The following ANK3 variants were observed in gnomAD, a reference collection of about 807,000 sequenced individuals.
The protein encoded by ANK3 is ankyrin-3.
A neutral mutation model predicts 370.9 loss-of-function variants in ANK3; 57 were observed. The observed-to-expected ratio is 0.15, with a 90% CI of 0.12 to 0.19. ANK3 has a LOEUF of 0.19. Ranked by LOEUF, ANK3 falls within the 10% of genes least tolerant of loss-of-function variation. The pLI, the probability that ANK3 is intolerant of heterozygous loss-of-function variation, is 1.00. For missense variants in ANK3, 4,439 were observed against 5,302.1 expected (o/e 0.84, Z 5.06); for synonymous variants, 1,929 against 1,946.3 (o/e 0.99, Z 0.23).
intron 29 of ANK3, 65 bp downstream of exon 29, chr10:60,088,082 G>A (rs2087158083): frequency 2.2e-6 from 3 of 1,339,126 alleles, no homozygotes; most frequent in Admixed American, 3.5e-5. Flanking sequence ...ACTCTTTCCA[G>A]AGCAAAACAT....
At chr10:60,542,938 C>A (rs2076882427) in intron 2 of ANK3, among the ~76,000 whole-genome samples, 1 of 151,978 alleles carries the variant, frequency 6.6e-6, no homozygotes, top group Non-Finnish European at 1.5e-5. Flanking sequence ...ACATACCCAA[C>A]ATGATTCAGC....
chr10:60,167,228 C>T (rs1413865470), intron 21 of ANK3, among the ~76,000 whole-genome samples: 1 of 152,166 alleles, frequency 6.6e-6, no homozygotes, highest in African/African-American at 2.4e-5. Flanking sequence ...GATGAATCTG[C>T]CGCCCCATTC....
At chr10:60,142,546 A>C (rs945249133) in intron 23 of ANK3, among the ~76,000 whole-genome samples, 10 of 151,572 alleles carry the variant, frequency 6.6e-5, no homozygotes, top group Admixed American at 6.6e-5. Flanking sequence ...TCTACATGTC[A>C]TGGCAACTTA....
chr10:60,183,000 T>G (rs773467851), intron 17 of ANK3, among the ~76,000 whole-genome samples: 4 of 152,212 alleles, frequency 2.6e-5, no homozygotes, highest in Non-Finnish European at 5.9e-5. Flanking sequence ...TTGAAACTTT[T>G]GACACTGAGG....
intron 18 of ANK3, 22 bp downstream of exon 18, chr10:60,181,307 G>T (rs1047343220): frequency 2.2e-5 from 35 of 1,605,178 alleles, no homozygotes; most frequent in African/African-American, 8.0e-5. Flanking sequence ...TCTTTTCCGT[G>T]TGGCAAGGGA....
rs924624032 is a variant in ANK3, at chr10:60,088,300, A to C, written c.3387T>G (p.Asp1129Glu). 6.2e-7 allele frequency: 1 copy of C among 1,614,078 alleles called. No homozygotes were observed. Among genetic ancestry groups the C allele is most frequent in the Non-Finnish European group, 8.5e-7 (1 of 1,180,032 alleles). The change falls in exon 29 of 44, where the codon GAT (aspartate) becomes GAG (glutamate). Residue 1129 changes from aspartate to glutamate, a missense_variant. Asp to Glu is a conservative substitution (Grantham distance 45, BLOSUM62 2). Coordinates refer to ENST00000280772, the MANE Select transcript of ANK3 (RefSeq NM_020987.5). ...KKRICRIITK[D>E]FPQYFAVVSR... ...AAACCACTGCAAAATACTGGGGGAA[A>C]TCTTTCGTGATAATCCTGCAGATAC...
rs557590148 is a variant in ANK3, at chr10:60,341,181, A to G, written c.114+48244T>C. On this transcript the variant is annotated intron_variant, in intron 1 of 43. Transcript: ENST00000280772. ...ATGGGCTACTCAACTCTACATTGTT[A>G]TTACTAAGCATCTGGGACATTCTGA... 8.5e-5 allele frequency among the ~76,000 whole-genome samples: 13 copies of G among 152,270 alleles called. 1 individual carries two copies. The South Asian group carries it at 2.7e-3, about 32-fold the overall frequency.
At chr10:60,112,774 G>A (rs1464478911) in intron 26 of ANK3, among the ~76,000 whole-genome samples, 1 of 152,138 alleles carries the variant, frequency 6.6e-6, no homozygotes, top group Non-Finnish European at 1.5e-5. Flanking sequence ...GTAAGTAAAC[G>A]TTAGCTATTA....
chr10:60,487,835 C>T (rs1162845936), intron 2 of ANK3, among the ~76,000 whole-genome samples: 2 of 152,140 alleles, frequency 1.3e-5, no homozygotes, highest in South Asian at 2.1e-4. Context: ...CTGCCTCAGC[C>T]GCCCGAGTAG....
At chr10:60,259,576 C>T (rs752415297) in intron 7 of ANK3, among the ~76,000 whole-genome samples, 13 of 152,248 alleles carry the variant, frequency 8.5e-5, no homozygotes, top group Middle Eastern at 3.4e-3. Flanking sequence ...TTTGTCATTA[C>T]CACAGTCATT....
At chr10:60,357,011 CCAGA>C (rs960127790) in intron 1 of ANK3, among the ~76,000 whole-genome samples, 4 of 152,168 alleles carry the variant, frequency 2.6e-5, no homozygotes, top group African/African-American at 9.7e-5. Flanking sequence ...GCCTGGCCCA[CCAGA>C]CAATTACTAT....
At chr10:60,606,538 G>T (rs1057349026) in intron 2 of ANK3, among the ~76,000 whole-genome samples, 3 of 152,162 alleles carry the variant, frequency 2.0e-5, no homozygotes, top group African/African-American at 7.2e-5. Flanking sequence ...AGACACTGGG[G>T]AGTATGTCTA....
intron 4 of ANK3, among the ~76,000 whole-genome samples, chr10:60,276,311 A>G (rs2098088943): frequency 6.6e-6 from 1 of 152,174 alleles, no homozygotes; most frequent in Admixed American, 6.6e-5. Context: ...TTGAATATTA[A>G]TATTTCTGTC....
chr10:60,065,655 C>T (rs1279879409), intron 38 of ANK3, among the ~76,000 whole-genome samples: 1 of 152,182 alleles, frequency 6.6e-6, no homozygotes, highest in Admixed American at 6.5e-5. Flanking sequence ...TTGCAAACAA[C>T]TGTTGTGATC....
intron 2 of ANK3, among the ~76,000 whole-genome samples, chr10:60,565,648 C>T (rs1363723956): frequency 6.6e-6 from 1 of 152,232 alleles, no homozygotes; most frequent in Admixed American, 6.5e-5. Context: ...TGCTTAGATT[C>T]ATAAGCTTAC....
At chr10:60,504,835 A>C (rs1170500444) in intron 2 of ANK3, among the ~76,000 whole-genome samples, 1 of 152,130 alleles carries the variant, frequency 6.6e-6, no homozygotes, top group African/African-American at 2.4e-5. Context: ...CTAAAATTTA[A>C]GTCTTGAGAG....
intron 25 of ANK3, 140 bp from the exon 26 acceptor site, chr10:60,114,471 T>A (rs944300935): frequency 6.9e-6 from 3 of 432,382 alleles, no homozygotes; most frequent in Non-Finnish European, 1.2e-5. Flanking sequence ...TTCTCCTCTA[T>A]AGAAATACAT....
intron 2 of ANK3, among the ~76,000 whole-genome samples, chr10:60,445,865 C>T (rs1307526941): frequency 6.6e-6 from 1 of 152,114 alleles, no homozygotes; most frequent in East Asian, 1.9e-4. Context: ...TGAAAGTAGA[C>T]AAAGGCTTTC....
intron 2 of ANK3, among the ~76,000 whole-genome samples, chr10:60,585,493 G>GA (rs1473620309): frequency 1.3e-5 from 2 of 152,050 alleles, no homozygotes; most frequent in Admixed American, 1.3e-4. Flanking sequence ...AACTTTGAAG[G>GA]AAAAAACCCA....
Sources: allele counts gnomAD v4.1 joint callset (sites outside exome capture counted in the v4.1 genomes callset), GRCh38; gene constraint gnomAD v4.1.1; transcripts MANE v1.5; gene names NCBI Gene and HGNC (gene_info 2026-07-23, HGNC 2026-07-21).